The following SNAP25 variants were observed in gnomAD, a reference collection of about 807,000 sequenced individuals.
The protein encoded by SNAP25 is synaptosomal-associated protein 25.
SNAP25 carries 3 observed loss-of-function variants against 28.7 expected under a neutral mutation model. The ratio of observed to expected loss-of-function variants is 0.10; its 90% CI spans 0.05 to 0.27. SNAP25 has a LOEUF of 0.27. SNAP25 is among the 10% of genes least tolerant of loss of function. The pLI is 1.00. For missense variants in SNAP25, 117 were observed against 278.7 expected (o/e 0.42, Z 4.13); for synonymous variants, 61 against 88.1 (o/e 0.69, Z 1.72).
Position 10,267,431 on chromosome 20 carries a change from G to C in SNAP25, c.-63-7998G>C, listed in dbSNP as rs1253030238. ...GAAGAATCAGTGATTTAAAATATAG[G>C]TAGAGATGATAAACAATAATGAAAA... On this transcript the variant is annotated intron_variant, in intron 1 of 7. Coordinates refer to ENST00000254976, the MANE Select transcript of SNAP25 (RefSeq NM_130811.4). Among the ~76,000 whole-genome samples the C allele has an allele frequency of 2.0e-5, 3 of 152,186 alleles. No individual in the cohort carries two copies. In the East Asian group the frequency reaches 5.8e-4, roughly 29 times the overall value.
At chr20:10,245,209 T>C (rs1430376060) in intron 1 of SNAP25, among the ~76,000 whole-genome samples, 1 of 152,246 alleles carries the variant, frequency 6.6e-6, no homozygotes, top group East Asian at 1.9e-4. Context: ...TATTAAATTT[T>C]CTTTCAGAGA....
At chr20:10,225,405 C>G (rs879626371) in intron 1 of SNAP25, among the ~76,000 whole-genome samples, 21 of 152,068 alleles carry the variant, frequency 1.4e-4, no homozygotes, top group Non-Finnish European at 2.2e-4. Context: ...ATCTGTATCC[C>G]TAAAAAGAGA....
intron 4 of SNAP25, among the ~76,000 whole-genome samples, chr20:10,286,716 C>T (rs190765435): frequency 6.6e-6 from 1 of 151,680 alleles, no homozygotes; most frequent in African/African-American, 2.4e-5. Context: ...AAATATATAC[C>T]AATTGATCCA....
At chr20:10,260,691 ACAC>A in intron 1 of SNAP25, among the ~76,000 whole-genome samples, 1 of 3,268 alleles carries the variant, frequency 3.1e-4, no homozygotes, top group African/African-American at 7.4e-4. Flanking sequence ...GACTCACTAC[ACAC>A]ACACACACAC....
chr20:10,297,215 A>C (rs1219034640), intron 6 of SNAP25, among the ~76,000 whole-genome samples, 165 bp downstream of exon 6: 5 of 152,142 alleles, frequency 3.3e-5, no homozygotes, highest in Admixed American at 3.3e-4. Flanking sequence ...GGGTGGGGTG[A>C]TCCAAGATGG....
chr20:10,236,998 G>A (rs925525639), intron 1 of SNAP25, among the ~76,000 whole-genome samples: 1 of 106,568 alleles, frequency 9.4e-6, no homozygotes, highest in Non-Finnish European at 2.1e-5. Context: ...ATAAATAAAG[G>A]CTTCTAAATT....
At chr20:10,292,991 T>C in intron 4 of SNAP25, 170 bp from the exon 5 acceptor site, 1 of 1,602,794 alleles carries the variant, frequency 6.2e-7, no homozygotes, top group Non-Finnish European at 8.5e-7. Flanking sequence ...TCATATGTCC[T>C]TGTAACAAGT....
At chr20:10,287,561 G>A (rs1160805528) in intron 4 of SNAP25, among the ~76,000 whole-genome samples, 1 of 130,402 alleles carries the variant, frequency 7.7e-6, no homozygotes, top group Non-Finnish European at 1.6e-5. Context: ...ACTGTTGGTA[G>A]GACTGTAAAC....
intron 1 of SNAP25, among the ~76,000 whole-genome samples, chr20:10,223,254 G>T (rs1291931944): frequency 6.6e-6 from 1 of 152,112 alleles, no homozygotes. Flanking sequence ...TCGAGGTCTG[G>T]ATTACACCCA....
Position 10,287,930 on chromosome 20 carries a change from A to G in SNAP25, c.163+3158A>G, listed in dbSNP as rs1391439218. On this transcript the variant is annotated intron_variant, in intron 4 of 7. Transcript: ENST00000254976. Reference sequence around the variant, plus strand: ...AAGACCAAAAAATCAAACACCGCATATTCTCACTCATAGATGGGAATTGAA... The same window carrying G: ...AAGACCAAAAAATCAAACACCGCATGTTCTCACTCATAGATGGGAATTGAA... Among the ~76,000 whole-genome samples the G allele has an allele frequency of 4.0e-5, 6 of 151,898 alleles. No individual in the cohort carries two copies. The East Asian group carries it at 9.7e-4, about 25-fold the overall frequency.
At chr20:10,301,225 C>T (rs531575049) in intron 7 of SNAP25, among the ~76,000 whole-genome samples, 1 of 152,242 alleles carries the variant, frequency 6.6e-6, no homozygotes, top group African/African-American at 2.4e-5. Flanking sequence ...GGTTTTTCTT[C>T]TACGCCCAGT....
At chr20:10,284,882 C>A in intron 4 of SNAP25, 110 bp downstream of exon 4, 3 of 804,052 alleles carry the variant, frequency 3.7e-6, no homozygotes, top group South Asian at 1.5e-5. Context: ...CACATGTACA[C>A]GAATGTGAGG....
intron 1 of SNAP25, among the ~76,000 whole-genome samples, chr20:10,250,108 T>C (rs1370722827): frequency 6.6e-6 from 1 of 152,218 alleles, no homozygotes; most frequent in Non-Finnish European, 1.5e-5. Flanking sequence ...GAAAAAAAAC[T>C]GATTGCAACT....
chr20:10,231,016 A>G (rs2062820386), intron 1 of SNAP25, among the ~76,000 whole-genome samples: 1 of 152,098 alleles, frequency 6.6e-6, no homozygotes, highest in South Asian at 2.1e-4. Flanking sequence ...ATAATAGGAC[A>G]TCTCCTTTCC....
At chr20:10,270,096 A>G (rs1452988383) in intron 1 of SNAP25, among the ~76,000 whole-genome samples, 1 of 152,080 alleles carries the variant, frequency 6.6e-6, no homozygotes, top group East Asian at 1.9e-4. Context: ...TCTACTAAAA[A>G]TACAAAATTA....
intron 1 of SNAP25, among the ~76,000 whole-genome samples, chr20:10,255,157 A>G (rs540837490): frequency 6.6e-6 from 1 of 152,344 alleles, no homozygotes; most frequent in Admixed American, 6.5e-5. Context: ...CCCAGGGTCC[A>G]AGTGGGCCCA....
At chr20:10,248,824 G>C (rs1256473248) in intron 1 of SNAP25, among the ~76,000 whole-genome samples, 2 of 152,194 alleles carry the variant, frequency 1.3e-5, no homozygotes, top group Admixed American at 1.3e-4. Context: ...GCAATTTGCT[G>C]AGCATCATTT....
intron 1 of SNAP25, among the ~76,000 whole-genome samples, chr20:10,267,803 G>A (rs534873486): frequency 1.4e-3 from 220 of 152,336 alleles, no homozygotes; most frequent in Middle Eastern, 6.8e-3. Context: ...GCCCGCCTCG[G>A]CCTCCCAAAG....
intron 1 of SNAP25, among the ~76,000 whole-genome samples, chr20:10,224,933 ACTT>A (rs1327000898): frequency 1.3e-5 from 2 of 151,536 alleles, no homozygotes; most frequent in Non-Finnish European, 2.9e-5. Flanking sequence ...TCATCCTCTT[ACTT>A]CTTCTGCCGC....
Sources: allele counts gnomAD v4.1 joint callset (sites outside exome capture counted in the v4.1 genomes callset), GRCh38; gene constraint gnomAD v4.1.1; transcripts MANE v1.5; gene names NCBI Gene and HGNC (gene_info 2026-07-23, HGNC 2026-07-21).